SERF2: variants seen among roughly 807,000 people sequenced by gnomAD.
SERF2 encodes the protein gastric cancer-related protein VRG107.
A neutral mutation model predicts 10.7 loss-of-function variants in SERF2; 4 were observed. The observed-to-expected ratio is 0.37, with a 90% CI of 0.18 to 0.86. The LOEUF (loss-of-function observed/expected upper bound fraction) is 0.86. Ranked by LOEUF, SERF2 falls within the 40% of genes least tolerant of loss-of-function variation. The probability of loss-of-function intolerance (pLI) is 0.43; values close to 1 mark genes in which losing one functional copy is unlikely to be tolerated. For missense variants in SERF2, 47 were observed against 79.1 expected (o/e 0.59, Z 1.54); for synonymous variants, 26 against 26.0 (o/e 1.00, Z 0.01).
In SERF2 at chr15:43,795,102, C is replaced by T. The variant is rs1384145473; in HGVS notation, c.*1329C>T. 2.5e-6 allele frequency: 4 copies of T among 1,614,004 alleles called. No individual in the cohort carries two copies. The Admixed American group carries it at 6.7e-5, about 27-fold the overall frequency. On this transcript the variant is annotated 3_prime_UTR_variant, in exon 3 of 3. Transcript: ENST00000249786. ...GGGTGGGGGGCCAACAGAGTGGTGC[C>T]AGTAACAGCCCCAGATAGAGGAGTA...
chr15:43,777,957 A>C (rs1219795048), intron 1 of SERF2: 1 of 134,320 alleles, frequency 7.4e-6, no homozygotes, highest in African/African-American at 2.7e-5. Flanking sequence ...TCATAAAAAA[A>C]AAATACATTT....
chr15:43,777,787 G>T (rs776756266), intron 1 of SERF2, among the ~76,000 whole-genome samples: 6 of 151,938 alleles, frequency 3.9e-5, no homozygotes, highest in Non-Finnish European at 7.4e-5. Context: ...GCCAGCCCTT[G>T]GTGTCTCCAC....
Position 43,795,500 on chromosome 15 carries a change from G to C in SERF2, c.*1727G>C. On this transcript the variant is annotated 3_prime_UTR_variant, in exon 3 of 3. Coordinates refer to ENST00000249786, the MANE Select transcript of SERF2 (RefSeq NM_001018108.4). ...TGGACTTGGACTGGAGGAGCTGGAG[G>C]GGTTTCTTGGTCAGCTGGCCTCGCA... The C allele has an allele frequency of 6.2e-7, 1 of 1,614,160 alleles. No individual in the cohort carries two copies. The highest frequency in any genetic ancestry group is 1.1e-5 in the South Asian group (1 of 91,082).
chr15:43,783,008 C>CTTTTT lies in SERF2; in HGVS notation c.-526-2388_-526-2384dup, dbSNP rs61152230. Among the ~76,000 whole-genome samples, 3 of 99,820 alleles carry CTTTTT rather than the reference C, an allele frequency of 3.0e-5. 1 individual carries two copies. Among genetic ancestry groups the CTTTTT allele is most frequent in the Non-Finnish European group, 2.0e-5 (1 of 51,110 alleles). The allele number at this position is 99,820 out of a possible 152,430, so 65.5% of individuals were successfully genotyped here. A position where few individuals can be genotyped will look rare whatever the true frequency, so the allele number is the denominator to read the frequency against. ...TACAGGCACGCACCACCACACCTGG[C>CTTTTT]TTTTTTTTTTTTTTTTTTGAGACAT... On this transcript the variant is annotated intron_variant, in intron 1 of 4. Transcript: ENST00000381359.
Position 43,793,095 on chromosome 15 carries a change from G to A in SERF2, c.116+12G>A, listed in dbSNP as rs1476689599. 1 of 1,579,954 alleles carries A rather than the reference G, an allele frequency of 6.3e-7. No homozygotes were observed. The highest frequency in any genetic ancestry group is 1.7e-5 in the Admixed American group (1 of 59,594). On this transcript the variant is annotated intron_variant, in intron 2 of 2. Coordinates refer to ENST00000249786, the MANE Select transcript of SERF2 (RefSeq NM_001018108.4). Reference sequence around the variant, plus strand: ...GCCCGCAAGCAGAGGTAGCCCCAGGGAGGGGAGGGAAAGGGACGGTGGAGA... The same window carrying A: ...GCCCGCAAGCAGAGGTAGCCCCAGGAAGGGGAGGGAAAGGGACGGTGGAGA...
At chr15:43,784,505 G>A (rs1200182436) in intron 1 of SERF2, among the ~76,000 whole-genome samples, 1 of 152,098 alleles carries the variant, frequency 6.6e-6, no homozygotes, top group East Asian at 1.9e-4. Flanking sequence ...GTCTCACTCT[G>A]TCACCCAGGC....
intron 1 of SERF2, 99 bp from the exon 2 acceptor site, chr15:43,792,876 G>A: frequency 1.2e-6 from 1 of 850,878 alleles, no homozygotes; most frequent in South Asian, 1.6e-5. Context: ...GGAGATTGAA[G>A]TGGTGTTGGA....
In SERF2 at chr15:43,795,408, A is replaced by G. The variant is rs1596045081; in HGVS notation, c.*1635A>G. On this transcript the variant is annotated 3_prime_UTR_variant, in exon 3 of 3. Coordinates refer to ENST00000249786, the MANE Select transcript of SERF2 (RefSeq NM_001018108.4). ...CTTACCTGAACCAGTTGGTAAGGGT[A>G]ACCATGACATAGAGTGAGGCAAGGA... 1 of 1,614,214 alleles carries G rather than the reference A, an allele frequency of 6.2e-7. No individual in the cohort carries two copies. The highest frequency in any genetic ancestry group is 1.6e-4 in the Middle Eastern group (1 of 6,062).
chr15:43,795,892 T>G lies in SERF2; in HGVS notation c.*2119T>G. 1 of 729,288 alleles carries G rather than the reference T, an allele frequency of 1.4e-6. No homozygotes were observed. The highest frequency in any genetic ancestry group is 2.2e-6 in the Non-Finnish European group (1 of 448,268). The allele number at this position is 729,288 out of a possible 1,614,324, so 45.2% of individuals were successfully genotyped here. A position where few individuals can be genotyped will look rare whatever the true frequency, so the allele number is the denominator to read the frequency against. The stretch of plus-strand genomic sequence containing the variant: ...CAGCATATAAGTGGCTGTGCAGACT[T>G]TGGTAAGATGTTTAATCTTTTGTGC... On this transcript the variant is annotated 3_prime_UTR_variant, in exon 3 of 3. Coordinates refer to ENST00000249786, the MANE Select transcript of SERF2 (RefSeq NM_001018108.4).
chr15:43,794,755 G>A lies in SERF2; in HGVS notation c.*982G>A, dbSNP rs1398545438. ...GCTGGGATCAGCGGTGGTTCTTTGAGCTGCTGATTTGGGTGTTAGGCTCTT... is the reference window on the plus strand; with the variant it reads ...GCTGGGATCAGCGGTGGTTCTTTGAACTGCTGATTTGGGTGTTAGGCTCTT... On this transcript the variant is annotated 3_prime_UTR_variant, in exon 3 of 3. Coordinates refer to ENST00000249786, the MANE Select transcript of SERF2 (RefSeq NM_001018108.4). 8.5e-6 allele frequency: 4 copies of A among 469,198 alleles called. No individual in the cohort carries two copies. The highest frequency in any genetic ancestry group is 1.9e-5 in the African/African-American group (1 of 52,004). The allele number at this position is 469,198 out of a possible 1,614,324, so 29.1% of individuals were successfully genotyped here.
intron 1 of SERF2, 86 bp from the exon 2 acceptor site, chr15:43,792,889 C>A: frequency 1.0e-6 from 1 of 976,788 alleles, no homozygotes; most frequent in Non-Finnish European, 1.6e-6. Context: ...GTGTTGGATC[C>A]TGCTGCTGGC....
At chr15:43,789,166 A>G (rs547071289), upstream of SERF2, among the ~76,000 whole-genome samples, 1 of 152,090 alleles carries the variant, frequency 6.6e-6, no homozygotes, top group East Asian at 1.9e-4. Flanking sequence ...AAAAAAAAGA[A>G]AAGTACACTA....
At chr15:43,788,209 C>T (rs900609679), upstream of SERF2, among the ~76,000 whole-genome samples, 9 of 151,724 alleles carry the variant, frequency 5.9e-5, no homozygotes, top group African/African-American at 2.2e-4. Flanking sequence ...CGGGGTCTCA[C>T]TATATTGCCT....
chr15:43,793,814 G>GTGCC lies in SERF2; in HGVS notation c.*44_*47dup, dbSNP rs761280384. The GTGCC allele has an allele frequency of 2.5e-5, 41 of 1,614,062 alleles. No homozygotes were observed. In the South Asian group the frequency reaches 4.5e-4, roughly 18 times the overall value. On this transcript the variant is annotated 3_prime_UTR_variant, in exon 3 of 3. Coordinates refer to ENST00000249786, the MANE Select transcript of SERF2 (RefSeq NM_001018108.4). The stretch of plus-strand genomic sequence containing the variant: ...TCCAACCCTCTTGCCCTTCGCCTGT[G>GTGCC]TGCCTGGAGCCAGTCCCACCACGCT...
rs2087144368 is a variant in SERF2, at chr15:43,794,112, C to A, written c.*339C>A. 3 of 756,484 alleles carry A rather than the reference C, an allele frequency of 4.0e-6. No homozygotes were observed. The highest frequency in any genetic ancestry group is 5.5e-5 in the East Asian group (2 of 36,364). 46.9% of individuals were successfully genotyped at this position (756,484 alleles called of 1,614,324 possible). A position where few individuals can be genotyped will look rare whatever the true frequency, so the allele number is the denominator to read the frequency against. ...TTGGAAGAATGACTGCCCTTTCCCACCAAAAAAGGGAGAACTCTTTAGATT... is the reference window on the plus strand; with the variant it reads ...TTGGAAGAATGACTGCCCTTTCCCAACAAAAAAGGGAGAACTCTTTAGATT... On this transcript the variant is annotated 3_prime_UTR_variant, in exon 3 of 3. Coordinates refer to ENST00000249786, the MANE Select transcript of SERF2 (RefSeq NM_001018108.4).
exon 1 of SERF2, chr15:43,777,227 C>T: frequency 3.8e-6 from 2 of 524,586 alleles, no homozygotes. Context: ...CACTCAGAGT[C>T]CCCAGTCCTG....
intron 1 of SERF2, among the ~76,000 whole-genome samples, chr15:43,781,445 G>C (rs1020963045): frequency 2.0e-5 from 3 of 152,106 alleles, no homozygotes; most frequent in East Asian, 2.0e-4. Context: ...CCAGCTACTC[G>C]GGAGGAGGAG....
At chr15:43,789,904 G>A (rs2087038702), upstream of SERF2, among the ~76,000 whole-genome samples, 1 of 152,090 alleles carries the variant, frequency 6.6e-6, no homozygotes. Context: ...ACTGTGGGAG[G>A]CCGAGGCAGG....
intron 2 of SERF2, chr15:43,793,442 G>A: frequency 1.1e-6 from 1 of 876,740 alleles, no homozygotes; most frequent in Non-Finnish European, 1.7e-6. Flanking sequence ...CCTCACTGGT[G>A]TTGCTGGGTG....
Sources: gnomAD v4.1 joint callset for allele counts (sites outside exome capture counted in the v4.1 genomes callset) on GRCh38, gnomAD v4.1.1 for gene constraint, MANE v1.5 for transcripts, NCBI Gene and HGNC (gene_info 2026-07-23, HGNC 2026-07-21) for gene names.